TC2N: variants seen among roughly 807,000 people sequenced by gnomAD.
The protein encoded by TC2N is tandem C2 domains, nuclear.
A neutral mutation model predicts 61.9 loss-of-function variants in TC2N; 51 were observed. The ratio of observed to expected loss-of-function variants is 0.82; its 90% CI spans 0.66 to 1.04. TC2N has a LOEUF of 1.04. Ranked by LOEUF, TC2N falls within the 50% of genes least tolerant of loss-of-function variation. The probability of loss-of-function intolerance (pLI) is 0.00; values close to 1 mark genes in which losing one functional copy is unlikely to be tolerated. For missense variants in TC2N, 556 were observed against 566.7 expected (o/e 0.98, Z 0.19); for synonymous variants, 204 against 192.6 (o/e 1.06, Z -0.49).
chr14:91,850,324 A>G (rs533660659), intron 1 of TC2N, among the ~76,000 whole-genome samples: 1 of 152,332 alleles, frequency 6.6e-6, no homozygotes, highest in Admixed American at 6.5e-5. Flanking sequence ...AGGACAGTAT[A>G]GTACATACTG....
At chr14:91,785,882 T>A (rs1012432223) in intron 10 of TC2N, among the ~76,000 whole-genome samples, 1 of 151,722 alleles carries the variant, frequency 6.6e-6, no homozygotes, top group Non-Finnish European at 1.5e-5. Flanking sequence ...TGGAAAAAAA[T>A]TTTAAAACAC....
chr14:91,785,569 C>T (rs1393515094), intron 10 of TC2N, among the ~76,000 whole-genome samples: 1 of 152,064 alleles, frequency 6.6e-6, no homozygotes, highest in East Asian at 1.9e-4. Context: ...ACTACTGTAA[C>T]TTTAAATGAA....
chr14:91,845,041 A>C (rs1248334440), intron 1 of TC2N, among the ~76,000 whole-genome samples: 1 of 152,014 alleles, frequency 6.6e-6, no homozygotes, highest in Non-Finnish European at 1.5e-5. Flanking sequence ...GTTTGAGACC[A>C]GCCTGGCCAA....
chr14:91,798,149 A>C (rs1170206500), intron 7 of TC2N, 150 bp downstream of exon 7: 1 of 570,102 alleles, frequency 1.8e-6, no homozygotes, highest in Non-Finnish European at 3.1e-6. Flanking sequence ...TAGATGCCTT[A>C]TTAAATACTA....
Position 91,792,504 on chromosome 14 carries a change from T to G in TC2N, c.910A>C (p.Thr304Pro). 1 of 1,597,670 alleles carries G rather than the reference T, an allele frequency of 6.3e-7. No individual in the cohort carries two copies. The highest frequency in any genetic ancestry group is 8.5e-7 in the Non-Finnish European group (1 of 1,170,398). ...VFAIKLQNLQ[T>P]VRLVFKIQTQ... ...TGAATCTTAAATACAAGTCTTACAG[T>G]TTGTAGATTTTGAAGTTTAATAGCA... is the stretch of plus-strand genomic sequence containing the variant. Residue 304 changes from threonine to proline, a missense_variant, in exon 9 of 12, where the codon ACT becomes CCT. Coordinates refer to ENST00000435962, the MANE Select transcript of TC2N (RefSeq NM_001128596.3).
At chr14:91,796,868 C>T (rs964600908) in intron 8 of TC2N, among the ~76,000 whole-genome samples, 1 of 152,086 alleles carries the variant, frequency 6.6e-6, no homozygotes, top group Admixed American at 6.6e-5. Flanking sequence ...GAAACTAATA[C>T]ACATAGGTAC....
chr14:91,825,021 CTTTTCTTTTTTTTTTTTTTT>C (rs1887428734), intron 1 of TC2N, among the ~76,000 whole-genome samples: 1 of 94,864 alleles, frequency 1.1e-5, no homozygotes, highest in Admixed American at 1.1e-4. Context: ...TTTTCTTTTT[CTTTTCTTTTTTTTTTTTTTT>C]TTTTTTTTTT....
At chr14:91,807,428 G>A (rs923832192) in intron 3 of TC2N, among the ~76,000 whole-genome samples, 5 of 152,172 alleles carry the variant, frequency 3.3e-5, no homozygotes, top group African/African-American at 1.2e-4. Context: ...AAAGCCACAG[G>A]GGTGGAGCTG....
intron 3 of TC2N, among the ~76,000 whole-genome samples, chr14:91,809,061 A>G (rs1886650802): frequency 6.6e-6 from 1 of 152,222 alleles, no homozygotes; most frequent in African/African-American, 2.4e-5. Flanking sequence ...CACTATTGAT[A>G]TGCGCAAAGT....
At chr14:91,795,202 G>A (rs1346526989) in intron 8 of TC2N, among the ~76,000 whole-genome samples, 4 of 152,182 alleles carry the variant, frequency 2.6e-5, no homozygotes, top group Non-Finnish European at 4.4e-5. Context: ...AGTTTCTGGA[G>A]ATGGAATCTA....
chr14:91,859,873 T>C (rs955397902), intron 1 of TC2N, among the ~76,000 whole-genome samples: 2 of 152,106 alleles, frequency 1.3e-5, no homozygotes, highest in Non-Finnish European at 2.9e-5. Flanking sequence ...TTCTGGTTTG[T>C]TGGGGATGTG....
intron 4 of TC2N, among the ~76,000 whole-genome samples, chr14:91,801,078 GTGTA>G (rs1400112644): frequency 3.2e-5 from 4 of 125,022 alleles, no homozygotes; most frequent in South Asian, 2.4e-4. Context: ...ATATGTGTGT[GTGTA>G]TATATATATA....
intron 8 of TC2N, 27 bp downstream of exon 8, chr14:91,797,758 G>C (rs1419095220): frequency 7.8e-7 from 1 of 1,277,652 alleles, no homozygotes; most frequent in African/African-American, 1.5e-5. Flanking sequence ...AAACAGAAAA[G>C]AAATTCAAAT....
At chr14:91,834,363 T>C (rs1887913742) in intron 1 of TC2N, among the ~76,000 whole-genome samples, 1 of 152,210 alleles carries the variant, frequency 6.6e-6, no homozygotes, top group African/African-American at 2.4e-5. Flanking sequence ...TACTTAACCA[T>C]GAGAGAGGAA....
chr14:91,795,596 TA>T, intron 8 of TC2N, among the ~76,000 whole-genome samples: 1 of 152,324 alleles, frequency 6.6e-6, no homozygotes, highest in East Asian at 1.9e-4. Context: ...TATTTTAAAT[TA>T]AAGTATGTAA....
intron 1 of TC2N, among the ~76,000 whole-genome samples, chr14:91,842,389 G>A (rs1888180867): frequency 6.6e-6 from 1 of 152,190 alleles, no homozygotes; most frequent in African/African-American, 2.4e-5. Context: ...CCCCATGAGA[G>A]GGTGACTGGT....
intron 1 of TC2N, among the ~76,000 whole-genome samples, chr14:91,845,925 G>C (rs1394815450): frequency 6.6e-6 from 1 of 152,210 alleles, no homozygotes; most frequent in African/African-American, 2.4e-5. Context: ...TTTTCTGGGA[G>C]AGGAATCTGA....
At chr14:91,787,704 C>A in intron 9 of TC2N, 77 bp from the exon 10 acceptor site, 2 of 816,064 alleles carry the variant, frequency 2.5e-6, no homozygotes, top group South Asian at 1.8e-5. Context: ...AGATAAAAAG[C>A]TAAGGTTAGA....
At chr14:91,800,432 A>G in intron 4 of TC2N, 60 bp from the exon 5 acceptor site, 1 of 905,106 alleles carries the variant, frequency 1.1e-6, no homozygotes, top group Non-Finnish European at 1.7e-6. Flanking sequence ...CTACTTAATT[A>G]CCATGAACTA....
Sources: gnomAD v4.1 joint callset for allele counts (sites outside exome capture counted in the v4.1 genomes callset) on GRCh38, gnomAD v4.1.1 for gene constraint, MANE v1.5 for transcripts, NCBI Gene and HGNC (gene_info 2026-07-23, HGNC 2026-07-21) for gene names.